The following COMMD7 variants were observed in gnomAD, a reference collection of about 807,000 sequenced individuals.
COMMD7 encodes COMM domain containing 7, also known as COMM domain-containing protein 7.
A neutral mutation model predicts 34.8 loss-of-function variants in COMMD7; 28 were observed. The ratio of observed to expected loss-of-function variants is 0.80; its 90% CI spans 0.60 to 1.10. The LOEUF is 1.10. COMMD7 is among the 50% of genes least tolerant of loss of function. COMMD7 has a pLI of 0.00. For missense variants in COMMD7, 211 were observed against 241.6 expected (o/e 0.87, Z 0.84); for synonymous variants, 80 against 86.4 (o/e 0.93, Z 0.41).
chr20:32,742,973 T>A (rs1013816182), intron 1 of COMMD7, among the ~76,000 whole-genome samples: 3 of 151,200 alleles, frequency 2.0e-5, no homozygotes, highest in African/African-American at 7.3e-5. Flanking sequence ...TCATCTAGAC[T>A]CCCCTCCGTC....
chr20:32,704,739 T>G, intron 6 of COMMD7, 75 bp downstream of exon 6: 2 of 1,077,978 alleles, frequency 1.9e-6, no homozygotes, highest in Admixed American at 1.8e-5. Flanking sequence ...GCCTTCCCCA[T>G]AGTGGCTGTG....
chr20:32,706,881 C>G, intron 3 of COMMD7, 121 bp from the exon 4 acceptor site: 1 of 714,204 alleles, frequency 1.4e-6, no homozygotes, highest in South Asian at 1.6e-5. Context: ...GACTGGCCAG[C>G]TCCAAGATCT....
At chr20:32,721,862 G>C (rs892631374) in intron 3 of COMMD7, among the ~76,000 whole-genome samples, 1 of 149,956 alleles carries the variant, frequency 6.7e-6, no homozygotes, top group Admixed American at 6.7e-5. Context: ...ATGCTACTGC[G>C]CTCCAGCCTG....
At chr20:32,718,586 C>T (rs1984955806) in intron 3 of COMMD7, among the ~76,000 whole-genome samples, 1 of 152,076 alleles carries the variant, frequency 6.6e-6, no homozygotes, top group Non-Finnish European at 1.5e-5. Flanking sequence ...GTAATCCCAG[C>T]TACTTGGGAG....
chr20:32,728,507 G>A (rs899596746), intron 1 of COMMD7, among the ~76,000 whole-genome samples: 2 of 151,704 alleles, frequency 1.3e-5, no homozygotes, highest in Non-Finnish European at 2.9e-5. Context: ...AATTAAAAGC[G>A]GTTACCACTT....
chr20:32,743,268 C>T, intron 1 of COMMD7, 40 bp downstream of exon 1: 2 of 730,996 alleles, frequency 2.7e-6, no homozygotes, highest in Non-Finnish European at 4.3e-6. Flanking sequence ...ATCCTGGAAT[C>T]ACCTGGGCCC....
chr20:32,704,348 C>T lies in COMMD7; in HGVS notation c.477+92G>A, dbSNP rs142629794. 2.1e-4 allele frequency: 262 copies of T among 1,228,034 alleles called. 1 individual carries two copies. The African/African-American group carries it at 3.4e-3, about 16-fold the overall frequency. 76.1% of individuals were successfully genotyped at this position (1,228,034 alleles called of 1,614,324 possible). ...AGATATATAAGGTACTTCAGTAAAA[C>T]ATCCATTTAAATATCCATTTAACCC... is the stretch of plus-strand genomic sequence containing the variant. On this transcript the variant is annotated intron_variant, in intron 7 of 8. Transcript: ENST00000278980.
intron 3 of COMMD7, among the ~76,000 whole-genome samples, chr20:32,710,433 T>G (rs1029110646): frequency 6.6e-6 from 1 of 152,080 alleles, no homozygotes; most frequent in African/African-American, 2.4e-5. Flanking sequence ...TACAATGGAT[T>G]GCTATCCAGG....
At chr20:32,717,533 CCAGGCTGGT>C (rs1016217315) in intron 3 of COMMD7, among the ~76,000 whole-genome samples, 1 of 151,708 alleles carries the variant, frequency 6.6e-6, no homozygotes, top group Non-Finnish European at 1.5e-5. Context: ...GCCATGTTGG[CCAGGCTGGT>C]CTCAAACTCT....
At chr20:32,713,014 G>C (rs1046778856) in intron 3 of COMMD7, among the ~76,000 whole-genome samples, 1 of 151,124 alleles carries the variant, frequency 6.6e-6, no homozygotes, top group South Asian at 2.1e-4. Context: ...TTACAGGCGT[G>C]AGCCACTGTG....
intron 3 of COMMD7, among the ~76,000 whole-genome samples, chr20:32,727,422 A>T (rs1306496855): frequency 4.0e-5 from 6 of 151,464 alleles, no homozygotes; most frequent in Non-Finnish European, 8.8e-5. Context: ...CTGTAATCCC[A>T]GCTACTCGGG....
Position 32,732,303 on chromosome 20 carries a change from C to A in COMMD7, c.85-4161G>T, listed in dbSNP as rs1413732620. Among the ~76,000 whole-genome samples, 10 of 152,238 alleles carry A rather than the reference C, an allele frequency of 6.6e-5. No individual in the cohort carries two copies. In the South Asian group the frequency reaches 2.1e-3, roughly 32 times the overall value. On this transcript the variant is annotated intron_variant, in intron 1 of 8. Coordinates refer to ENST00000278980, the MANE Select transcript of COMMD7 (RefSeq NM_053041.3). ...ACAGGGTCTCACAATGTTGCCCCAGCTCATCTGGAACTCCTGGGCTCAAGC... is the reference window on the plus strand; with the variant it reads ...ACAGGGTCTCACAATGTTGCCCCAGATCATCTGGAACTCCTGGGCTCAAGC...
chr20:32,722,246 G>GGA (rs1197227063), intron 3 of COMMD7, among the ~76,000 whole-genome samples: 2 of 37,026 alleles, frequency 5.4e-5, no homozygotes, highest in African/African-American at 1.3e-4. Context: ...ACTCTGTCTC[G>GGA]AAAAAAAAAA....
At chr20:32,736,743 T>C (rs1279402336) in intron 1 of COMMD7, among the ~76,000 whole-genome samples, 4 of 151,912 alleles carry the variant, frequency 2.6e-5, no homozygotes, top group African/African-American at 9.7e-5. Context: ...GTTTCAAGGT[T>C]AGAAAATGAG....
At chr20:32,711,955 C>T (rs779148693) in intron 3 of COMMD7, among the ~76,000 whole-genome samples, 3 of 151,442 alleles carry the variant, frequency 2.0e-5, no homozygotes, top group African/African-American at 7.3e-5. Flanking sequence ...GAGGCCGAGG[C>T]GGGTGGATCA....
At chr20:32,726,417 C>G (rs1985517562) in intron 3 of COMMD7, among the ~76,000 whole-genome samples, 1 of 151,946 alleles carries the variant, frequency 6.6e-6, no homozygotes, top group African/African-American at 2.4e-5. Flanking sequence ...CAAAAGACTT[C>G]AAGCCCAGGC....
rs1208406589 is a variant in COMMD7, at chr20:32,707,292, A to ATAT, written c.242-533_242-532insATA. On this transcript the variant is annotated intron_variant, in intron 3 of 8. Transcript: ENST00000278980. ...GAGCGAGACTCCGTCTCAAAAAAAAAAAATATATATATATATACTTATCTC... is the reference window on the plus strand; with the variant it reads ...GAGCGAGACTCCGTCTCAAAAAAAAATATAAATATATATATATATACTTATCTC... 5.6e-3 allele frequency among the ~76,000 whole-genome samples: 519 copies of ATAT among 92,454 alleles called. 3 individuals carry two copies. The highest frequency in any genetic ancestry group is 9.5e-3 in the Non-Finnish European group (363 of 38,048). The allele number at this position is 92,454 out of a possible 152,430, so 60.7% of individuals were successfully genotyped here.
rs1265744367 is a variant in COMMD7, at chr20:32,743,288, C to G, written c.84+20G>C. 6.6e-7 allele frequency: 1 copy of G among 1,506,436 alleles called. No individual in the cohort carries two copies. Among genetic ancestry groups the G allele is most frequent in the Admixed American group, 2.1e-5 (1 of 48,430 alleles). 93.3% of individuals were successfully genotyped at this position (1,506,436 alleles called of 1,614,324 possible). On this transcript the variant is annotated intron_variant, in intron 1 of 8. Coordinates refer to ENST00000278980, the MANE Select transcript of COMMD7 (RefSeq NM_053041.3). Reference sequence around the variant, plus strand: ...GGAATCACCTGGGCCCCGCGCCCCACGCCCCGCCGCCGGGCCCACCTGCGC... The same window carrying G: ...GGAATCACCTGGGCCCCGCGCCCCAGGCCCCGCCGCCGGGCCCACCTGCGC...
At chr20:32,727,337 A>G (rs1009825425) in intron 3 of COMMD7, among the ~76,000 whole-genome samples, 1 of 151,918 alleles carries the variant, frequency 6.6e-6, no homozygotes, top group African/African-American at 2.4e-5. Context: ...TCATGAGGTC[A>G]AGGGATCATG....
Sources: allele counts gnomAD v4.1 joint callset (sites outside exome capture counted in the v4.1 genomes callset), GRCh38; gene constraint gnomAD v4.1.1; transcripts MANE v1.5; gene names NCBI Gene and HGNC (gene_info 2026-07-23, HGNC 2026-07-21).